The following MEGF10 variants were observed in gnomAD, a reference collection of about 807,000 sequenced individuals.
MEGF10 encodes the protein multiple EGF like domains 10.
A neutral mutation model predicts 147.5 loss-of-function variants in MEGF10; 86 were observed. That is an observed-to-expected ratio of 0.58 (90% CI 0.49 to 0.70). The LOEUF (loss-of-function observed/expected upper bound fraction) is 0.70, where lower values mean the gene tolerates loss of function less well. MEGF10 is among the 30% of genes least tolerant of loss of function. The pLI, the probability that MEGF10 is intolerant of heterozygous loss-of-function variation, is 0.00. For synonymous variants in MEGF10, 478 were observed against 525.5 expected (o/e 0.91, Z 1.24); for missense variants, 1,329 against 1,487.3 (o/e 0.89, Z 1.75).
the MEGF10 span, among the ~76,000 whole-genome samples, chr5:127,268,408 G>C: frequency 1.2e-4 from 19 of 152,332 alleles, no homozygotes; most frequent in Middle Eastern, 6.8e-3. Context: ...ATTTGGGGTG[G>C]AGAGTTCTGT....
the MEGF10 span, among the ~76,000 whole-genome samples, chr5:127,246,937 ATTATATT>A: frequency 3.1e-3 from 5 of 1,614 alleles, no homozygotes; most frequent in East Asian, 0.018. Flanking sequence ...ATAATATATG[ATTATATT>A]ATATATAATA....
intron 5 of MEGF10, among the ~76,000 whole-genome samples, chr5:127,373,478 C>T: frequency 6.6e-6 from 1 of 152,192 alleles, no homozygotes; most frequent in Non-Finnish European, 1.5e-5. Context: ...CATGACTCAT[C>T]TTTTTGATTT....
rs754088683 is a variant in MEGF10, at chr5:127,443,003, C to G, written c.2368C>G (p.Pro790Ala). ...FMGRHCEQKC[P>A]SGTYGYGCRQ... ...ATTTGACTTTCCTTCTCTAGAGTGC[C>G]CTTCAGGAACATATGGCTATGGCTG... is the stretch of plus-strand genomic sequence containing the variant. The change falls in exon 19 of 25, where the codon CCT (proline) becomes GCT (alanine). Residue 790 changes from proline to alanine, a missense_variant. Around this residue, in one of 3 missense-constraint regions of MEGF10, gnomAD observed 980 missense variants for 1,085.9 expected, o/e 0.90. Transcript: ENST00000503335. 13 of 1,610,950 alleles carry G rather than the reference C, an allele frequency of 8.1e-6. No individual in the cohort carries two copies. Among genetic ancestry groups the G allele is most frequent in the Non-Finnish European group, 1.1e-5 (13 of 1,178,502 alleles).
rs1268417342 is a variant in MEGF10 at position 127,391,090 on chromosome 5, G to A, written c.413-5442G>A. Among the ~76,000 whole-genome samples, 52 of 17,004 alleles carry A rather than the reference G, an allele frequency of 3.1e-3. No individual in the cohort carries two copies. The Admixed American group carries it at 0.031, about 10-fold the overall frequency. The allele number at this position is 17,004 out of a possible 152,430, so 11.2% of individuals were successfully genotyped here. ...TATATATACATACATACACACATGC[G>A]CGCGCGCGCGCGCACACACACACAC... On this transcript the variant is annotated intron_variant, in intron 5 of 24. Transcript: ENST00000503335.
chr5:127,247,560 A>C, the MEGF10 span, among the ~76,000 whole-genome samples: 1 of 152,052 alleles, frequency 6.6e-6, no homozygotes, highest in East Asian at 1.9e-4. Flanking sequence ...ATGCAACTTT[A>C]TTTACAGGCC....
chr5:127,321,682 G>C (rs546959198), intron 1 of MEGF10, among the ~76,000 whole-genome samples: 1 of 152,262 alleles, frequency 6.6e-6, no homozygotes, highest in Non-Finnish European at 1.5e-5. Flanking sequence ...AAAGATAGGA[G>C]AGCAGATGAC....
intron 3 of MEGF10, 40 bp downstream of exon 3, chr5:127,339,261 G>A: frequency 7.3e-7 from 1 of 1,361,746 alleles, no homozygotes; most frequent in South Asian, 1.2e-5. Flanking sequence ...TTGGCTAACT[G>A]GGAATAGATT....
In MEGF10 at chr5:127,308,839, C is replaced by T. The variant is rs147394424; in HGVS notation, c.-19+17783C>T. The stretch of plus-strand genomic sequence containing the variant: ...GTAACTAAACTGCATGTTGTGCACA[C>T]GTACCCTAAAACTTAAAGTATAATT... On this transcript the variant is annotated intron_variant, in intron 1 of 24. Coordinates refer to ENST00000503335, the MANE Select transcript of MEGF10 (RefSeq NM_001256545.2). Among the ~76,000 whole-genome samples the T allele has an allele frequency of 4.6e-3, 693 of 151,346 alleles. 6 individuals are homozygous for T. The highest frequency in any genetic ancestry group is 0.024 in the Middle Eastern group (7 of 294).
intron 16 of MEGF10, among the ~76,000 whole-genome samples, chr5:127,436,929 T>C (rs925781881): frequency 6.6e-6 from 1 of 152,226 alleles, no homozygotes; most frequent in Non-Finnish European, 1.5e-5. Context: ...GGGGTACATT[T>C]AAAGGGGCAG....
intron 5 of MEGF10, among the ~76,000 whole-genome samples, chr5:127,379,064 CT>C (rs35798578): frequency 0.47 from 57,588 of 121,326 alleles, 12,928 homozygotes; most frequent in Middle Eastern, 0.59. Context: ...ATTGATTTTT[CT>C]TTTTTTTTTT....
chr5:127,425,724 T>C (rs1419979121), intron 13 of MEGF10, among the ~76,000 whole-genome samples: 1 of 152,188 alleles, frequency 6.6e-6, no homozygotes, highest in Admixed American at 6.5e-5. Context: ...TAAAATTGTT[T>C]AGGGTTAGTA....
At chr5:127,425,731 A>G (rs1473993718) in intron 13 of MEGF10, among the ~76,000 whole-genome samples, 1 of 152,164 alleles carries the variant, frequency 6.6e-6, no homozygotes, top group Non-Finnish European at 1.5e-5. Context: ...GTTTAGGGTT[A>G]GTACCCTGTT....
intron 1 of MEGF10, among the ~76,000 whole-genome samples, chr5:127,313,436 A>G (rs374915357): frequency 6.6e-6 from 1 of 152,198 alleles, no homozygotes; most frequent in Non-Finnish European, 1.5e-5. Context: ...TTTAATTATA[A>G]TTTCAATTCT....
At chr5:127,395,590 G>T (rs553347334) in intron 5 of MEGF10, among the ~76,000 whole-genome samples, 1 of 129,224 alleles carries the variant, frequency 7.7e-6, no homozygotes, top group South Asian at 2.5e-4. Context: ...TGTCCCCCAG[G>T]CTGGAGTGCA....
intron 22 of MEGF10, among the ~76,000 whole-genome samples, chr5:127,451,511 G>A (rs533718212): frequency 6.6e-6 from 1 of 152,254 alleles, no homozygotes; most frequent in East Asian, 1.9e-4. Flanking sequence ...AACATTAAAG[G>A]AGACTTTTTA....
intron 18 of MEGF10, among the ~76,000 whole-genome samples, chr5:127,441,252 T>C (rs964395294): frequency 2.0e-5 from 3 of 152,182 alleles, no homozygotes; most frequent in African/African-American, 7.2e-5. Context: ...GTACATTCGG[T>C]GGGGAGGAGG....
intron 4 of MEGF10, among the ~76,000 whole-genome samples, chr5:127,362,648 C>G (rs1304598968): frequency 6.6e-6 from 1 of 152,026 alleles, no homozygotes; most frequent in African/African-American, 2.4e-5. Context: ...ACAGGCGTGA[C>G]CCACCGCACC....
rs184991494 is a variant in MEGF10 at position 127,363,890 on chromosome 5, G to A, written c.320-6020G>A. On this transcript the variant is annotated intron_variant, in intron 4 of 24. Transcript: ENST00000503335. ...ACACATGTGGACCACTGGTGGCTGT[G>A]GGGTAAGAGCCCTTGACCCCAAGTA... Among the ~76,000 whole-genome samples the A allele has an allele frequency of 2.0e-5, 3 of 152,276 alleles. No homozygotes were observed. In the East Asian group the frequency reaches 5.8e-4, roughly 29 times the overall value.
At chr5:127,411,594 A>C (rs1361556130) in intron 9 of MEGF10, among the ~76,000 whole-genome samples, 1 of 152,162 alleles carries the variant, frequency 6.6e-6, no homozygotes, top group Non-Finnish European at 1.5e-5. Flanking sequence ...GCTGTAATAC[A>C]TTTTAGTGGG....
Sources: gnomAD v4.1 joint callset for allele counts (sites outside exome capture counted in the v4.1 genomes callset) on GRCh38, gnomAD v4.1.1 for gene constraint, gnomAD v4.1.1 regional missense constraint, MANE v1.5 for transcripts, NCBI Gene and HGNC (gene_info 2026-07-23, HGNC 2026-07-21) for gene names.